WDR70: variants seen among roughly 807,000 people sequenced by gnomAD.
WDR70 encodes the protein WD repeat-containing protein 70.
A neutral mutation model predicts 88.6 loss-of-function variants in WDR70; 53 were observed. The observed-to-expected ratio is 0.60, with a 90% confidence interval of 0.48 to 0.75. The LOEUF (loss-of-function observed/expected upper bound fraction) is 0.75. Ranked by LOEUF, WDR70 falls within the 30% of genes least tolerant of loss-of-function variation. The probability of loss-of-function intolerance (pLI) is 0.00; values close to 1 mark genes in which losing one functional copy is unlikely to be tolerated. For missense variants in WDR70, 610 were observed against 823.2 expected (o/e 0.74, Z 3.17); for synonymous variants, 280 against 270.0 (o/e 1.04, Z -0.36).
chr5:37,559,802 G>T (rs1182977636), intron 9 of WDR70, among the ~76,000 whole-genome samples: 1 of 150,816 alleles, frequency 6.6e-6, no homozygotes, highest in Non-Finnish European at 1.5e-5. Flanking sequence ...CTGAGATCAC[G>T]CCGTTGCACT....
intron 8 of WDR70, among the ~76,000 whole-genome samples, chr5:37,484,003 C>A (rs1350086380): frequency 6.7e-6 from 1 of 149,700 alleles, no homozygotes; most frequent in South Asian, 2.1e-4. Flanking sequence ...GATGGGCGGC[C>A]GGGCAGAGAC....
chr5:37,640,453 G>A (rs1386921313), intron 10 of WDR70, among the ~76,000 whole-genome samples: 1 of 151,888 alleles, frequency 6.6e-6, no homozygotes, highest in African/African-American at 2.4e-5. Flanking sequence ...TATTGTGTGT[G>A]GTTTTTTTCA....
intron 9 of WDR70, among the ~76,000 whole-genome samples, chr5:37,532,552 C>T (rs1326049564): frequency 1.3e-5 from 2 of 151,966 alleles, no homozygotes; most frequent in Non-Finnish European, 2.9e-5. Context: ...AGTTCTATTG[C>T]TGAGACTTTC....
intron 3 of WDR70, among the ~76,000 whole-genome samples, chr5:37,390,871 C>T (rs985758973): frequency 6.6e-6 from 1 of 151,808 alleles, no homozygotes; most frequent in Non-Finnish European, 1.5e-5. Flanking sequence ...CATGCGCTAC[C>T]ACGCCTGGCT....
At chr5:37,436,537 G>A (rs1203035098) in intron 5 of WDR70, among the ~76,000 whole-genome samples, 1 of 152,120 alleles carries the variant, frequency 6.6e-6, no homozygotes, top group Non-Finnish European at 1.5e-5. Flanking sequence ...GTTCTGTAAA[G>A]TGTGCAGAGG....
At chr5:37,590,999 T>C (rs977209622) in intron 9 of WDR70, among the ~76,000 whole-genome samples, 14 of 152,118 alleles carry the variant, frequency 9.2e-5, no homozygotes, top group African/African-American at 3.1e-4. Context: ...ATAACCAATT[T>C]GAGAAGACAA....
chr5:37,705,760 C>T (rs1747305361), intron 13 of WDR70, among the ~76,000 whole-genome samples: 1 of 152,124 alleles, frequency 6.6e-6, no homozygotes, highest in African/African-American at 2.4e-5. Flanking sequence ...TAGTAAGGAA[C>T]TTAACTGTGT....
chr5:37,504,969 A>C (rs1740516364), intron 8 of WDR70, among the ~76,000 whole-genome samples: 1 of 152,188 alleles, frequency 6.6e-6, no homozygotes, highest in Non-Finnish European at 1.5e-5. Flanking sequence ...ATTGGGCTGA[A>C]ATTTGTTTTA....
chr5:37,608,102 C>CA, intron 10 of WDR70, among the ~76,000 whole-genome samples: 1 of 142,946 alleles, frequency 7.0e-6, no homozygotes, highest in East Asian at 2.0e-4. Context: ...AGTGCAGTGG[C>CA]ACAATCTTGG....
intron 17 of WDR70, among the ~76,000 whole-genome samples, chr5:37,748,873 TC>T (rs1748714167): frequency 6.6e-6 from 1 of 152,148 alleles, no homozygotes; most frequent in African/African-American, 2.4e-5. Flanking sequence ...ACATCACTGA[TC>T]ACCAGAGAAA....
intron 9 of WDR70, among the ~76,000 whole-genome samples, chr5:37,590,048 A>T (rs1743485976): frequency 6.6e-6 from 1 of 152,180 alleles, no homozygotes; most frequent in Non-Finnish European, 1.5e-5. Flanking sequence ...TTCCAATTCC[A>T]TTTGATCAAC....
chr5:37,494,825 A>G (rs1212980646), intron 8 of WDR70, among the ~76,000 whole-genome samples: 1 of 152,244 alleles, frequency 6.6e-6, no homozygotes, highest in Non-Finnish European at 1.5e-5. Flanking sequence ...TCAAATGGAT[A>G]TTAAAATTAC....
At chr5:37,748,848 A>C (rs2112746271) in intron 17 of WDR70, among the ~76,000 whole-genome samples, 1 of 152,374 alleles carries the variant, frequency 6.6e-6, no homozygotes, top group Middle Eastern at 3.4e-3. Context: ...GCCAAGAAAC[A>C]TGAAAAAAAG....
chr5:37,727,874 C>T (rs1320037991), intron 17 of WDR70, among the ~76,000 whole-genome samples: 1 of 152,028 alleles, frequency 6.6e-6, no homozygotes, highest in Non-Finnish European at 1.5e-5. Flanking sequence ...CTCCACCTGG[C>T]CAGAATTTTC....
rs1161227459 is a variant in WDR70, at chr5:37,505,836, C to T, written c.841-10678C>T. The T allele has an allele frequency of 1.1e-4, 151 of 1,376,058 alleles. 1 individual carries two copies. The highest frequency in any genetic ancestry group is 1.0e-5 in the Non-Finnish European group (10 of 965,000). 85.2% of individuals were successfully genotyped at this position (1,376,058 alleles called of 1,614,324 possible). A position where few individuals can be genotyped will look rare whatever the true frequency, so the allele number is the denominator to read the frequency against. On this transcript the variant is annotated intron_variant, in intron 8 of 17. Coordinates refer to ENST00000265107, the MANE Select transcript of WDR70 (RefSeq NM_018034.4). ...ATTGGTTCCTGCCAGAGTTGCTCCT[C>T]TGAGGTTACAATTCTTCAACTTTGC...
chr5:37,723,128 G>A, intron 15 of WDR70, 194 bp downstream of exon 15: 1 of 607,790 alleles, frequency 1.6e-6, no homozygotes, highest in Non-Finnish European at 2.9e-6. Context: ...CAGGGACAGG[G>A]TTATTTCATG....
intron 17 of WDR70, among the ~76,000 whole-genome samples, chr5:37,733,196 C>A (rs983354774): frequency 3.3e-5 from 5 of 152,042 alleles, no homozygotes; most frequent in African/African-American, 7.2e-5. Context: ...TGGTTCATAG[C>A]CACATCCCTT....
intron 9 of WDR70, among the ~76,000 whole-genome samples, chr5:37,568,576 G>T (rs1742812689): frequency 6.6e-6 from 1 of 152,092 alleles, no homozygotes; most frequent in African/African-American, 2.4e-5. Flanking sequence ...TCTGATCATG[G>T]CATGTTTTTT....
At chr5:37,696,648 T>A (rs1425765374) in intron 10 of WDR70, among the ~76,000 whole-genome samples, 1 of 152,230 alleles carries the variant, frequency 6.6e-6, no homozygotes. Context: ...ATGGCATGTG[T>A]GTGTGGGTAC....
Sources: allele counts gnomAD v4.1 joint callset (sites outside exome capture counted in the v4.1 genomes callset), GRCh38; gene constraint gnomAD v4.1.1; transcripts MANE v1.5; gene names NCBI Gene and HGNC (gene_info 2026-07-23, HGNC 2026-07-21).